Variants in DUT observed in about 807,000 individuals in gnomAD.
DUT encodes the protein deoxyuridine triphosphatase.
In DUT, 21 loss-of-function variants were observed where a neutral mutation model predicts 28.8. The ratio of observed to expected loss-of-function variants is 0.73; its 90% CI spans 0.52 to 1.05. DUT has a LOEUF of 1.05. Ranked by LOEUF, DUT falls within the 50% of genes least tolerant of loss-of-function variation. The pLI, the probability that DUT is intolerant of heterozygous loss-of-function variation, is 0.00. For synonymous variants in DUT, 147 were observed against 143.7 expected (o/e 1.02, Z -0.17); for missense variants, 344 against 351.8 (o/e 0.98, Z 0.18).
In DUT at chr15:48,331,634, G is replaced by T; in HGVS notation, c.119G>T (p.Gly40Val). 4.5e-6 allele frequency: 7 copies of T among 1,544,326 alleles called. No homozygotes were observed. Among genetic ancestry groups the T allele is most frequent in the Non-Finnish European group, 6.1e-6 (7 of 1,144,910 alleles). The change falls in exon 1 of 7, where the codon GGG becomes GTG. Residue 40 changes from glycine (G) to valine (V), a missense_variant. Gly to Val is a moderately radical substitution (Grantham distance 109, BLOSUM62 -3). Coordinates refer to ENST00000331200, the MANE Select transcript of DUT (RefSeq NM_001025248.2). The stretch of plus-strand genomic sequence containing the variant: ...AGGGCCGAAGCCGCGGTACTCTCCG[G>T]GCCAGGCCCGCCCCTCGGCCGCGCC... ...RQRAEAAVLS[G>V]PGPPLGRAAQ... is the part of the protein sequence containing the mutation.
At chr15:48,335,128 A>G (rs909758914) in intron 3 of DUT, among the ~76,000 whole-genome samples, 1 of 152,220 alleles carries the variant, frequency 6.6e-6, no homozygotes, top group African/African-American at 2.4e-5. Context: ...AAAGATAACA[A>G]GATGGGCTCT....
intron 4 of DUT, among the ~76,000 whole-genome samples, chr15:48,338,915 T>G (rs972344840): frequency 6.6e-6 from 1 of 152,194 alleles, no homozygotes; most frequent in Admixed American, 6.5e-5. Context: ...GACAGGCAGA[T>G]TGCTTGAGCC....
Position 48,342,983 on chromosome 15 carries a change from T to C in DUT, c.*905T>C, listed in dbSNP as rs1337742566. On this transcript the variant is annotated 3_prime_UTR_variant, in exon 7 of 7. Transcript: ENST00000331200. ...TGTGGCTTACCTTGATTAACATCTTTTGGAAGTTTTGCTAGTGTGCTTTCC... is the reference window on the plus strand; with the variant it reads ...TGTGGCTTACCTTGATTAACATCTTCTGGAAGTTTTGCTAGTGTGCTTTCC... 1.3e-5 allele frequency: 2 copies of C among 152,256 alleles called. No individual in the cohort carries two copies. Among genetic ancestry groups the C allele is most frequent in the East Asian group, 1.9e-4 (1 of 5,200 alleles). 9.4% of individuals were successfully genotyped at this position (152,256 alleles called of 1,614,324 possible). A position where few individuals can be genotyped will look rare whatever the true frequency, so the allele number is the denominator to read the frequency against.
chr15:48,337,207 G>C (rs1261642999), intron 4 of DUT, among the ~76,000 whole-genome samples: 1 of 152,118 alleles, frequency 6.6e-6, no homozygotes, highest in African/African-American at 2.4e-5. Context: ...GGTGGACATT[G>C]ACAGCCCACT....
upstream of DUT, chr15:48,331,166 C>A: frequency 7.1e-7 from 1 of 1,413,164 alleles, no homozygotes; most frequent in South Asian, 1.5e-5. Flanking sequence ...GCCCGGGAGT[C>A]ATGGCTGCGG....
At chr15:48,340,107 C>T (rs2042517915) in intron 4 of DUT, 1 of 152,052 alleles carries the variant, frequency 6.6e-6, no homozygotes, top group African/African-American at 2.4e-5. Flanking sequence ...GAGCTGAACA[C>T]AGGATTATTT....
chr15:48,331,728 T>G lies in DUT; in HGVS notation c.213T>G (p.Ser71Arg). The G allele has an allele frequency of 1.4e-6, 2 of 1,475,478 alleles. No homozygotes were observed. Among genetic ancestry groups the G allele is most frequent in the African/African-American group, 1.5e-5 (1 of 68,086 alleles). 91.4% of individuals were successfully genotyped at this position (1,475,478 alleles called of 1,614,324 possible). A position where few individuals can be genotyped will look rare whatever the true frequency, so the allele number is the denominator to read the frequency against. ...TGAGCCAAGGCTGCCGCGGAGCCAG[T>G]ACAGTCGGGGCCGCTGGCTGGAAGG... ...GRLSQGCRGA[S>R]TVGAAGWKGE... is the part of the protein sequence containing the mutation. The change falls in exon 1 of 7, where the codon AGT becomes AGG. Residue 71 changes from serine to arginine, a missense_variant. Ser to Arg is a moderately radical substitution (Grantham distance 110). Coordinates refer to ENST00000331200, the MANE Select transcript of DUT (RefSeq NM_001025248.2).
intron 2 of DUT, 91 bp downstream of exon 2, chr15:48,332,497 C>T (rs2042429505): frequency 8.9e-7 from 1 of 1,129,716 alleles, no homozygotes; most frequent in South Asian, 1.5e-5. Flanking sequence ...CACAGGAACA[C>T]ACTAGCTATA....
chr15:48,341,451 T>C (rs2042532668), intron 5 of DUT, 64 bp from the exon 6 acceptor site: 1 of 1,566,712 alleles, frequency 6.4e-7, no homozygotes, highest in Non-Finnish European at 8.8e-7. Context: ...TAATTCTCAT[T>C]GAATAAGACA....
At chr15:48,331,179 G>C, upstream of DUT, 1 of 1,516,674 alleles carries the variant, frequency 6.6e-7, no homozygotes, top group Non-Finnish European at 8.8e-7. Flanking sequence ...GGCTGCGGGC[G>C]GTGCCGCCCC....
chr15:48,341,448 C>T, intron 5 of DUT, 67 bp from the exon 6 acceptor site: 2 of 1,559,988 alleles, frequency 1.3e-6, no homozygotes, highest in Non-Finnish European at 1.8e-6. Flanking sequence ...CTTTAATTCT[C>T]ATTGAATAAG....
At position 48,341,586 on chromosome 15, in the gene DUT, G is replaced by GT. The variant is rs1195148704; in HGVS notation, c.702+2dup. The GT allele has an allele frequency of 6.2e-7, 1 of 1,608,674 alleles. No homozygotes were observed. On this transcript the variant is annotated splice_donor_variant, in intron 6 of 6. Coordinates refer to ENST00000331200, the MANE Select transcript of DUT (RefSeq NM_001025248.2). LOFTEE classifies it high-confidence loss of function. The stretch of plus-strand genomic sequence containing the variant: ...TTATCCAGAAATAGAAGAAGTTCAA[G>GT]TAAGTATTACAAAGGAAGATACAGA...
At position 48,331,704 on chromosome 15, in the gene DUT, G is replaced by C. The variant is rs1436754153; in HGVS notation, c.189G>C (p.Leu63=). 1 of 1,513,552 alleles carries C rather than the reference G, an allele frequency of 6.6e-7. No homozygotes were observed. The highest frequency in any genetic ancestry group is 1.4e-5 in the African/African-American group (1 of 69,482). 93.8% of individuals were successfully genotyped at this position (1,513,552 alleles called of 1,614,324 possible). The change falls in exon 1 of 7, where the codon CTG becomes CTC. Residue 63 remains leucine (L), a synonymous_variant. Transcript: ENST00000331200. ...GGCCGCTGTCCAGCGCTGGCCGCCTGAGCCAAGGCTGCCGCGGAGCCAGTA... is the reference window on the plus strand; with the variant it reads ...GGCCGCTGTCCAGCGCTGGCCGCCTCAGCCAAGGCTGCCGCGGAGCCAGTA... ...IPRPLSSAGR[L]SQGCRGASTV...
chr15:48,342,122 TAAA>T lies in DUT; in HGVS notation c.*57_*59del, dbSNP rs34176493. ...AAAACAAGAAGTCATACCTTTTTCT[TAAA>T]AAAAAAAAAAAAGTTTTTGCTTCAA... On this transcript the variant is annotated 3_prime_UTR_variant, in exon 7 of 7. Transcript: ENST00000331200. 171 of 1,108,766 alleles carry T rather than the reference TAAA, an allele frequency of 1.5e-4. No homozygotes were observed. The highest frequency in any genetic ancestry group is 3.6e-4 in the South Asian group (18 of 50,148). 68.7% of individuals were successfully genotyped at this position (1,108,766 alleles called of 1,614,324 possible).
At chr15:48,332,574 A>G in intron 2 of DUT, 168 bp downstream of exon 2, 1 of 736,404 alleles carries the variant, frequency 1.4e-6, no homozygotes, top group Non-Finnish European at 2.3e-6. Flanking sequence ...TTAAATAGAG[A>G]TTTGGGCAAA....
In DUT at chr15:48,341,493, ATAAAC is replaced by A; in HGVS notation, c.632-19_632-15del. On this transcript the variant is annotated splice_polypyrimidine_tract_variant and intron_variant, in intron 5 of 6. Transcript: ENST00000331200. ...GGCGAATGTGTCAGTAACGTCAGTAATAAACTATTCTTTCTTTGAAGTCAAAAAAG... is the reference window on the plus strand; with the variant it reads ...GGCGAATGTGTCAGTAACGTCAGTAATATTCTTTCTTTGAAGTCAAAAAAG... 1 of 1,611,230 alleles carries A rather than the reference ATAAAC, an allele frequency of 6.2e-7. No individual in the cohort carries two copies. The highest frequency in any genetic ancestry group is 8.5e-7 in the Non-Finnish European group (1 of 1,177,996).
intron 6 of DUT, 166 bp downstream of exon 6, chr15:48,341,751 T>C: frequency 1.5e-6 from 1 of 654,852 alleles, no homozygotes. Context: ...TTTAAATGTT[T>C]TTCATGTAGC....
At chr15:48,335,433 C>T (rs950777343) in intron 3 of DUT, among the ~76,000 whole-genome samples, 1 of 152,092 alleles carries the variant, frequency 6.6e-6, no homozygotes, top group Non-Finnish European at 1.5e-5. Flanking sequence ...TTTTACTTAA[C>T]TGATATTAGC....
chr15:48,341,605 A>C lies in DUT; in HGVS notation c.702+20A>C. On this transcript the variant is annotated intron_variant, in intron 6 of 6. Transcript: ENST00000331200. ...GTTCAAGTAAGTATTACAAAGGAAG[A>C]TACAGAATAAGTAATATAACATCTT... 6.3e-7 allele frequency: 1 copy of C among 1,576,702 alleles called. No individual in the cohort carries two copies. The highest frequency in any genetic ancestry group is 8.7e-7 in the Non-Finnish European group (1 of 1,148,458).
Sources: gnomAD v4.1 joint callset for allele counts (sites outside exome capture counted in the v4.1 genomes callset) on GRCh38, gnomAD v4.1.1 for gene constraint, MANE v1.5 for transcripts, NCBI Gene and HGNC (gene_info 2026-07-23, HGNC 2026-07-21) for gene names.